The following DLC1 variants were observed in gnomAD, a reference collection of about 807,000 sequenced individuals.
DLC1 encodes rho GTPase-activating protein 7.
In DLC1, 54 loss-of-function variants were observed where a neutral mutation model predicts 140.3. The ratio of observed to expected loss-of-function variants is 0.38; its 90% CI spans 0.31 to 0.48. The LOEUF is 0.48. Ranked by LOEUF, DLC1 falls within the 20% of genes least tolerant of loss-of-function variation. DLC1 has a pLI of 0.96. For missense variants in DLC1, 2,536 were observed against 1,907.0 expected (o/e 1.33, Z -6.14); for synonymous variants, 986 against 728.1 (o/e 1.35, Z -5.70).
At chr8:13,346,596 C>G (rs1003747896) in intron 4 of DLC1, among the ~76,000 whole-genome samples, 1 of 152,192 alleles carries the variant, frequency 6.6e-6, no homozygotes, top group African/African-American at 2.4e-5. Context: ...GCAGGTGCCA[C>G]AAGAACTTGA....
At chr8:13,447,627 T>TTAGTTCA (rs1798839899) in intron 2 of DLC1, among the ~76,000 whole-genome samples, 1 of 152,198 alleles carries the variant, frequency 6.6e-6, no homozygotes, top group African/African-American at 2.4e-5. Context: ...TAATAAACGT[T>TTAGTTCA]ATAATAAAAT....
At chr8:13,572,695 T>C (rs1467308717) in intron 1 of DLC1, among the ~76,000 whole-genome samples, 2 of 152,200 alleles carry the variant, frequency 1.3e-5, no homozygotes, top group African/African-American at 2.4e-5. Flanking sequence ...TTCTTTTGTA[T>C]GTGGTGATAC....
chr8:13,525,533 T>C (rs1802894287), intron 1 of DLC1, among the ~76,000 whole-genome samples: 3 of 152,232 alleles, frequency 2.0e-5, no homozygotes, highest in Non-Finnish European at 4.4e-5. Context: ...GCCATTCTAA[T>C]AGATGTATGG....
intron 5 of DLC1, among the ~76,000 whole-genome samples, chr8:13,194,832 A>G (rs1037643694): frequency 1.3e-5 from 2 of 151,880 alleles, no homozygotes; most frequent in African/African-American, 4.8e-5. Context: ...ACATAGAGAG[A>G]CCCCCATCTT....
intron 1 of DLC1, among the ~76,000 whole-genome samples, chr8:13,500,609 G>A (rs1801769872): frequency 6.6e-6 from 1 of 152,020 alleles, no homozygotes; most frequent in East Asian, 1.9e-4. Flanking sequence ...TCACTGTTTG[G>A]TTTGAATCAC....
At chr8:13,385,447 A>C (rs1366398218) in intron 4 of DLC1, among the ~76,000 whole-genome samples, 1 of 152,200 alleles carries the variant, frequency 6.6e-6, no homozygotes, top group Admixed American at 6.6e-5. Flanking sequence ...ATGACAACAA[A>C]AATCTAAGGA....
intron 6 of DLC1, among the ~76,000 whole-genome samples, chr8:13,111,856 C>A (rs544236973): frequency 8.5e-5 from 13 of 152,190 alleles, no homozygotes; most frequent in Admixed American, 5.9e-4. Context: ...CTAAAAAATT[C>A]TCTTTGGCTG....
intron 5 of DLC1, among the ~76,000 whole-genome samples, chr8:13,188,822 T>C (rs1402528936): frequency 9.6e-5 from 4 of 41,534 alleles, no homozygotes; most frequent in African/African-American, 3.2e-4. Flanking sequence ...TATATATATA[T>C]ATATGTATAT....
intron 4 of DLC1, among the ~76,000 whole-genome samples, chr8:13,351,675 G>T (rs1729129): frequency 0.89 from 135,885 of 152,270 alleles, 60,752 homozygotes; most frequent in East Asian, 1. Context: ...AATTGAATAC[G>T]TGGGACAGAG....
rs769649730 is a variant in DLC1 at position 13,468,339 on chromosome 8, TTCCCC to T, written c.1023+30705_1023+30709del. ...TTTCTCTCTCTTTCCCTTCCCCCCATTCCCCTCCCCTCCCCTCCCCTCCCCTCCCC... is the reference window on the plus strand; with the variant it reads ...TTTCTCTCTCTTTCCCTTCCCCCCATTCCCCTCCCCTCCCCTCCCCTCCCC... On this transcript the variant is annotated intron_variant, in intron 2 of 17. Coordinates refer to ENST00000276297, the MANE Select transcript of DLC1 (RefSeq NM_182643.3). Among the ~76,000 whole-genome samples the T allele has an allele frequency of 5.9e-3, 354 of 59,912 alleles. 13 individuals carry two copies. The highest frequency in any genetic ancestry group is 0.018 in the African/African-American group (334 of 18,736). The allele number at this position is 59,912 out of a possible 152,430, so 39.3% of individuals were successfully genotyped here.
chr8:13,219,160 GAATATAACTATATAAT>G (rs1828404303), intron 5 of DLC1, among the ~76,000 whole-genome samples: 1 of 53,224 alleles, frequency 1.9e-5, no homozygotes, highest in East Asian at 1.1e-3. Flanking sequence ...ATAATTATAT[GAATATAACTATATAAT>G]TATATGAATA....
At chr8:13,312,386 A>AAAAAAAAAAAT (rs71207139) in intron 4 of DLC1, among the ~76,000 whole-genome samples, 1,929 of 81,482 alleles carry the variant, frequency 0.024, 267 homozygotes, top group Non-Finnish European at 0.029. Flanking sequence ...AAAAAAAAAA[A>AAAAAAAAAAAT]AATAATTTCT....
At chr8:13,594,098 C>T (rs979800029) in intron 1 of DLC1, among the ~76,000 whole-genome samples, 14 of 151,944 alleles carry the variant, frequency 9.2e-5, no homozygotes, top group African/African-American at 3.4e-4. Context: ...GAAGTTGAGG[C>T]TGCAGTGAAT....
chr8:13,475,745 G>A (rs1441481784), intron 2 of DLC1, among the ~76,000 whole-genome samples: 1 of 152,192 alleles, frequency 6.6e-6, no homozygotes, highest in African/African-American at 2.4e-5. Context: ...TGAGGTACAT[G>A]AGGCTAAAAG....
chr8:13,270,816 A>C (rs1477003685), intron 5 of DLC1, among the ~76,000 whole-genome samples: 1 of 152,196 alleles, frequency 6.6e-6, no homozygotes, highest in Non-Finnish European at 1.5e-5. Context: ...AACAAGGTGA[A>C]GGCCCTCAGG....
At chr8:13,230,597 CT>C (rs548424340) in intron 5 of DLC1, among the ~76,000 whole-genome samples, 5,141 of 133,634 alleles carry the variant, frequency 0.038, 152 homozygotes, top group African/African-American at 0.1. Context: ...TTTCTTTTTT[CT>C]TTTTTTTTTT....
intron 5 of DLC1, among the ~76,000 whole-genome samples, chr8:13,172,354 C>A (rs1825531852): frequency 6.6e-6 from 1 of 152,156 alleles, no homozygotes; most frequent in Non-Finnish European, 1.5e-5. Context: ...GAAAGGAAGC[C>A]AACAGGTATT....
chr8:13,488,118 G>T (rs1426615432), intron 2 of DLC1, among the ~76,000 whole-genome samples: 1 of 152,142 alleles, frequency 6.6e-6, no homozygotes. Flanking sequence ...TACTTCTCAT[G>T]CTTTCAGTCA....
chr8:13,256,457 A>G (rs1351666284), intron 5 of DLC1, among the ~76,000 whole-genome samples: 1 of 152,220 alleles, frequency 6.6e-6, no homozygotes, highest in East Asian at 1.9e-4. Flanking sequence ...AATAGCAAAG[A>G]CTTGGAACCA....
Sources: allele counts gnomAD v4.1 joint callset (sites outside exome capture counted in the v4.1 genomes callset), GRCh38; gene constraint gnomAD v4.1.1; transcripts MANE v1.5; gene names NCBI Gene and HGNC (gene_info 2026-07-23, HGNC 2026-07-21).